Variants in BUB1 observed in about 807,000 individuals in gnomAD.
The protein encoded by BUB1 is mitotic checkpoint serine/threonine-protein kinase BUB1.
A neutral mutation model predicts 135.2 loss-of-function variants in BUB1; 84 were observed. The ratio of observed to expected loss-of-function variants is 0.62; its 90% confidence interval spans 0.52 to 0.74. The LOEUF (loss-of-function observed/expected upper bound fraction) is 0.74, where lower values mean the gene tolerates loss of function less well. BUB1 is among the 30% of genes least tolerant of loss of function. BUB1 has a pLI of 0.00. For synonymous variants in BUB1, 403 were observed against 434.4 expected (o/e 0.93, Z 0.90); for missense variants, 1,162 against 1,288.3 (o/e 0.90, Z 1.50).
chr2:110,661,756 G>C lies in BUB1; in HGVS notation c.1043C>G (p.Pro348Arg). Residue 348 changes from proline to arginine, a missense_variant, in exon 10 of 25, where the codon CCA (proline) becomes CGA (arginine). By Grantham distance (103) the Pro-to-Arg change is moderately radical (BLOSUM62 -2). Coordinates refer to ENST00000302759, the MANE Select transcript of BUB1 (RefSeq NM_004336.5). ...TCTTGGGTTCTTTTCCATGTTCACT[G>C]GTGTCTGCTGATAGGTTACTGGAAG... The part of the protein sequence containing the change: ...PCLPVTYQQT[P>R]VNMEKNPREA... 6.2e-7 allele frequency: 1 copy of C among 1,614,192 alleles called. No individual in the cohort carries two copies. The highest frequency in any genetic ancestry group is 1.1e-5 in the South Asian group (1 of 91,084).
At chr2:110,649,500 A>T in intron 18 of BUB1, 123 bp from the exon 19 acceptor site, 1 of 934,332 alleles carries the variant, frequency 1.1e-6, no homozygotes, top group Non-Finnish European at 1.5e-6. Flanking sequence ...AAGCCTTATA[A>T]GAGTATTAAT....
In BUB1 at chr2:110,642,221, G is replaced by A. The variant is rs1689524550; in HGVS notation, c.2361C>T (p.Val787=). 5.6e-6 allele frequency: 9 copies of A among 1,610,228 alleles called. No individual in the cohort carries two copies. The highest frequency in any genetic ancestry group is 7.6e-6 in the Non-Finnish European group (9 of 1,177,804). Residue 787 remains valine (V), a synonymous_variant, in exon 20 of 25, where the codon GTC becomes GTT. Coordinates refer to ENST00000302759, the MANE Select transcript of BUB1 (RefSeq NM_004336.5). ...KTEFQLGSKL[V]YVHHLLGEGA... is the part of the protein sequence containing the mutation. ...CTTCTCCAAGAAGGTGATGGACATA[G>A]ACCAGCTTAGAACCTTAGAAGATAA... is the stretch of plus-strand genomic sequence containing the variant.
At chr2:110,658,797 A>T in intron 11 of BUB1, 55 bp from the exon 12 acceptor site, 1 of 1,594,918 alleles carries the variant, frequency 6.3e-7, no homozygotes, top group Non-Finnish European at 8.6e-7. Flanking sequence ...AGAATAACTT[A>T]AAAGACACAC....
intron 15 of BUB1, 34 bp from the exon 16 acceptor site, chr2:110,655,950 A>C (rs1689923793): frequency 6.3e-7 from 1 of 1,594,986 alleles, no homozygotes; most frequent in Non-Finnish European, 8.6e-7. Flanking sequence ...AAAAAGCAGC[A>C]ATCTCCCTCT....
At chr2:110,646,401 A>G (rs908521571) in intron 19 of BUB1, among the ~76,000 whole-genome samples, 2 of 152,074 alleles carry the variant, frequency 1.3e-5, no homozygotes, top group Non-Finnish European at 2.9e-5. Flanking sequence ...GAAGGGGCAG[A>G]TAAAGCAGGC....
rs528194626 is a variant in BUB1 at position 110,638,133 on chromosome 2, T to G, written c.3089A>C (p.Glu1030Ala). The G allele has an allele frequency of 2.9e-5, 46 of 1,598,370 alleles. No homozygotes were observed. Among genetic ancestry groups the G allele is most frequent in the Non-Finnish European group, 3.9e-5 (46 of 1,175,026 alleles). Residue 1030 changes from glutamate to alanine, a missense_variant, in exon 25 of 25, where the codon GAA becomes GCA. By Grantham distance (107) the Glu-to-Ala change is moderately radical (BLOSUM62 -1). Coordinates refer to ENST00000302759, the MANE Select transcript of BUB1 (RefSeq NM_004336.5). ...RRLPHLDMWN[E>A]FFHVMLNIPD... ...AATATTCAACATAACATGAAAAAAT[T>G]CATTCCACATATCCAAATGAGGAAG... is the stretch of plus-strand genomic sequence containing the variant.
chr2:110,637,556 A>T lies in BUB1; in HGVS notation c.*408T>A, dbSNP rs2104509915. 1 of 155,120 alleles carries T rather than the reference A, an allele frequency of 6.4e-6. No homozygotes were observed. Among genetic ancestry groups the T allele is most frequent in the South Asian group, 2.1e-4 (1 of 4,818 alleles). The allele number at this position is 155,120 out of a possible 1,614,324, so 9.6% of individuals were successfully genotyped here. A position where few individuals can be genotyped will look rare whatever the true frequency, so the allele number is the denominator to read the frequency against. The stretch of plus-strand genomic sequence containing the variant: ...AGGACAGGCAAGCTTTATTCATAAA[A>T]ACTTGAAGTCCCTTGGAAATGTTAG... On this transcript the variant is annotated 3_prime_UTR_variant, in exon 25 of 25. Coordinates refer to ENST00000302759, the MANE Select transcript of BUB1 (RefSeq NM_004336.5).
intron 13 of BUB1, 141 bp downstream of exon 13, chr2:110,658,269 G>T: frequency 1.5e-6 from 1 of 649,936 alleles, no homozygotes; most frequent in Non-Finnish European, 2.6e-6. Flanking sequence ...GTCAAGAACT[G>T]TCTTATTTTT....
chr2:110,647,838 A>G (rs1689682498), intron 19 of BUB1, among the ~76,000 whole-genome samples: 1 of 152,198 alleles, frequency 6.6e-6, no homozygotes, highest in African/African-American at 2.4e-5. Context: ...TGAAACTTCA[A>G]ACAAGATTGA....
chr2:110,641,843 T>C, intron 20 of BUB1, 40 bp from the exon 21 acceptor site: 5 of 1,581,520 alleles, frequency 3.2e-6, no homozygotes, highest in Non-Finnish European at 4.3e-6. Flanking sequence ...CAATCTCGTA[T>C]TCTGAAAAAT....
chr2:110,640,619 G>C (rs994022650), intron 23 of BUB1, among the ~76,000 whole-genome samples: 6 of 152,122 alleles, frequency 3.9e-5, no homozygotes, highest in African/African-American at 1.4e-4. Context: ...AGCATCCCAG[G>C]TATATCCAAC....
chr2:110,672,354 T>C (rs1049569107), intron 4 of BUB1, among the ~76,000 whole-genome samples: 5 of 152,216 alleles, frequency 3.3e-5, no homozygotes, highest in Admixed American at 6.5e-5. Context: ...AGAAGTAGTT[T>C]AAAAGCTCAT....
rs535126023 is a variant in BUB1, at chr2:110,664,150, A to T, written c.957+2113T>A. ...TGAAATTTAAGAAAATTAAATGACC[A>T]GTCCAGGATAGCCTAACAGAGAGTA... On this transcript the variant is annotated intron_variant, in intron 9 of 24. Coordinates refer to ENST00000302759, the MANE Select transcript of BUB1 (RefSeq NM_004336.5). Among the ~76,000 whole-genome samples the T allele has an allele frequency of 3.9e-5, 6 of 152,274 alleles. No individual in the cohort carries two copies. The East Asian group carries it at 7.7e-4, about 20-fold the overall frequency.
At position 110,666,289 on chromosome 2, in the gene BUB1, G is replaced by C; in HGVS notation, c.931C>G (p.Leu311Val). ...TCGGACCTTTCCTGGGAAGCGGGCA[G>C]ATCCTCATGGGATGTCTCCACCACC... ...HQVVETSHED[L>V]PASQERSEVN... is the part of the protein sequence containing the mutation. The change falls in exon 9 of 25, where the codon CTG (leucine) becomes GTG (valine). Residue 311 changes from leucine to valine, a missense_variant. By Grantham distance (32) the Leu-to-Val change is conservative. Coordinates refer to ENST00000302759, the MANE Select transcript of BUB1 (RefSeq NM_004336.5). The C allele has an allele frequency of 2.0e-6, 3 of 1,477,816 alleles. No individual in the cohort carries two copies. Among genetic ancestry groups the C allele is most frequent in the Non-Finnish European group, 2.7e-6 (3 of 1,108,780 alleles). The allele number at this position is 1,477,816 out of a possible 1,614,324, so 91.5% of individuals were successfully genotyped here.
At position 110,650,544 on chromosome 2, in the gene BUB1, A is replaced by T. The variant is rs1340965378; in HGVS notation, c.2203+2T>A. On this transcript the variant is annotated splice_donor_variant, in intron 18 of 24. Coordinates refer to ENST00000302759, the MANE Select transcript of BUB1 (RefSeq NM_004336.5). LOFTEE classifies it high-confidence loss of function. ...GGCATAACAAAGAGTGAGTGTTCGT[A>T]CTTGGAGCATCAACAGTCCCAAGTG... is the stretch of plus-strand genomic sequence containing the variant. 9.9e-6 allele frequency: 16 copies of T among 1,612,612 alleles called. No individual in the cohort carries two copies. In the East Asian group the frequency reaches 1.3e-4, roughly 13 times the overall value.
intron 1 of BUB1, 31 bp from the exon 2 acceptor site, chr2:110,674,396 A>G (rs768859174): frequency 6.3e-7 from 1 of 1,596,454 alleles, no homozygotes; most frequent in Non-Finnish European, 8.6e-7. Flanking sequence ...CACATGGGAT[A>G]TTAGGGATAA....
At position 110,657,618 on chromosome 2, in the gene BUB1, C is replaced by A; in HGVS notation, c.1544G>T (p.Gly515Val). The stretch of plus-strand genomic sequence containing the variant: ...CAAAGAAGAGATGATCTTATTGACT[C>A]CCCAAGCCCCAGATGACCTTACATT... ...QKNVRSSGAW[G>V]VNKIISSLSS... Residue 515 changes from glycine to valine, a missense_variant, in exon 14 of 25, where the codon GGA becomes GTA. Physicochemically the swap from Gly to Val is moderately radical, Grantham distance 109. Coordinates refer to ENST00000302759, the MANE Select transcript of BUB1 (RefSeq NM_004336.5). 6.2e-7 allele frequency: 1 copy of A among 1,600,938 alleles called. No homozygotes were observed. The highest frequency in any genetic ancestry group is 8.5e-7 in the Non-Finnish European group (1 of 1,173,014).
At chr2:110,653,388 A>T (rs769573687) in intron 17 of BUB1, 48 bp downstream of exon 17, 1 of 1,554,194 alleles carries the variant, frequency 6.4e-7, no homozygotes, top group Non-Finnish European at 8.9e-7. Flanking sequence ...AAACAATGTT[A>T]GAATGAAAAT....
intron 9 of BUB1, among the ~76,000 whole-genome samples, chr2:110,665,478 G>GTA: frequency 6.6e-6 from 1 of 151,772 alleles, no homozygotes; most frequent in Admixed American, 6.6e-5. Context: ...CTACTAAGGA[G>GTA]GATACAATGA....
Sources: gnomAD v4.1 joint callset for allele counts (sites outside exome capture counted in the v4.1 genomes callset) on GRCh38, gnomAD v4.1.1 for gene constraint, MANE v1.5 for transcripts, NCBI Gene and HGNC (gene_info 2026-07-23, HGNC 2026-07-21) for gene names.